SAMMSON: variants seen among roughly 807,000 people sequenced by gnomAD.
SAMMSON encodes survival associated mitochondrial melanoma specific oncogenic non-coding RNA.
At chr3:70,087,112 A>G (rs1253967938) in intron 4 of SAMMSON, among the ~76,000 whole-genome samples, 1 of 152,138 alleles carries the variant, frequency 6.6e-6, no homozygotes, top group Non-Finnish European at 1.5e-5. Context: ...GAGGACACTG[A>G]GGATTCACTA....
intron 6 of SAMMSON, among the ~76,000 whole-genome samples, chr3:70,290,507 CT>C (rs1431298930): frequency 6.6e-5 from 10 of 152,218 alleles, no homozygotes; most frequent in Non-Finnish European, 8.8e-5. Context: ...TTATGGCTGT[CT>C]TTTTGTTTGT....
chr3:70,224,737 A>G (rs946207753), intron 4 of SAMMSON, among the ~76,000 whole-genome samples: 16 of 152,028 alleles, frequency 1.1e-4, no homozygotes, highest in Admixed American at 2.0e-4. Flanking sequence ...TAATTCATTT[A>G]ACCATTGCGC....
At chr3:70,151,162 A>G (rs919823211) in intron 4 of SAMMSON, among the ~76,000 whole-genome samples, 1 of 152,068 alleles carries the variant, frequency 6.6e-6, no homozygotes, top group Non-Finnish European at 1.5e-5. Flanking sequence ...AAACTGAGGT[A>G]ATGAAAAACT....
At chr3:70,284,084 G>A (rs555929244) in intron 6 of SAMMSON, among the ~76,000 whole-genome samples, 5 of 152,136 alleles carry the variant, frequency 3.3e-5, no homozygotes, top group Non-Finnish European at 7.4e-5. Flanking sequence ...ACCTCAGTTG[G>A]ACTGGTTTTC....
At chr3:70,162,228 G>A (rs1397441395) in intron 4 of SAMMSON, among the ~76,000 whole-genome samples, 1 of 151,736 alleles carries the variant, frequency 6.6e-6, no homozygotes, top group Non-Finnish European at 1.5e-5. Context: ...TGTAAGATTA[G>A]TAAATTGCTT....
At chr3:70,417,267 T>C (rs1701271351) in intron 2 of SAMMSON, among the ~76,000 whole-genome samples, 1 of 152,186 alleles carries the variant, frequency 6.6e-6, no homozygotes, top group African/African-American at 2.4e-5. Context: ...TCAGGTAAAA[T>C]TGACTTAGGT....
intron 4 of SAMMSON, among the ~76,000 whole-genome samples, chr3:70,122,765 G>A (rs1285713346): frequency 6.6e-6 from 1 of 152,124 alleles, no homozygotes; most frequent in Non-Finnish European, 1.5e-5. Flanking sequence ...CTCAAAATAG[G>A]ATTGTTTTGC....
At chr3:70,361,577 C>T (rs191866824) in intron 9 of SAMMSON, among the ~76,000 whole-genome samples, 403 of 152,264 alleles carry the variant, frequency 2.6e-3, no homozygotes, top group Non-Finnish European at 4.5e-3. Flanking sequence ...TCCATATTTA[C>T]GAGACATATG....
At chr3:70,203,816 T>A (rs1186039435) in intron 4 of SAMMSON, among the ~76,000 whole-genome samples, 1 of 152,298 alleles carries the variant, frequency 6.6e-6, no homozygotes, top group South Asian at 2.1e-4. Flanking sequence ...TTAAGGGGAC[T>A]GTTTTCTAAT....
At chr3:70,072,257 C>T (rs2067232744) in intron 4 of SAMMSON, 1 of 151,882 alleles carries the variant, frequency 6.6e-6, no homozygotes, top group Non-Finnish European at 1.5e-5. Context: ...TTAGTGAAGT[C>T]TAAGGTATTC....
chr3:70,101,551 T>G (rs575189071), intron 4 of SAMMSON, among the ~76,000 whole-genome samples: 1 of 152,298 alleles, frequency 6.6e-6, no homozygotes, highest in South Asian at 2.1e-4. Context: ...TAAATATGTC[T>G]TTTAATTTTT....
chr3:70,418,985 C>G (rs1360310059), intron 2 of SAMMSON, among the ~76,000 whole-genome samples: 3 of 120,586 alleles, frequency 2.5e-5, no homozygotes, highest in Admixed American at 9.4e-5. Context: ...TTCCTTCTCT[C>G]TCTCTCTCTC....
intron 9 of SAMMSON, among the ~76,000 whole-genome samples, chr3:70,385,146 G>A (rs1703110128): frequency 6.6e-6 from 1 of 152,010 alleles, no homozygotes; most frequent in African/African-American, 2.4e-5. Flanking sequence ...AAAAAGCACG[G>A]TGTTGTAGTT....
chr3:70,173,691 A>T (rs1388376547), intron 4 of SAMMSON, among the ~76,000 whole-genome samples: 1 of 151,928 alleles, frequency 6.6e-6, no homozygotes, highest in African/African-American at 2.4e-5. Context: ...AATGACAAAA[A>T]TAAGTACTTT....
intron 3 of SAMMSON, among the ~76,000 whole-genome samples, chr3:70,042,252 T>C (rs1405356450): frequency 6.6e-6 from 1 of 152,062 alleles, no homozygotes; most frequent in South Asian, 2.1e-4. Context: ...AAGCCTGTGT[T>C]ATTTAAATTT....
intron 4 of SAMMSON, chr3:70,125,119 A>T (rs946791396): frequency 3.7e-5 from 53 of 1,424,080 alleles, no homozygotes; most frequent in Non-Finnish European, 4.9e-5. Context: ...CAGATCGAGC[A>T]AATTGAACCA....
chr3:70,091,289 C>T (rs1409165626), intron 4 of SAMMSON, among the ~76,000 whole-genome samples: 2 of 152,094 alleles, frequency 1.3e-5, no homozygotes, highest in Admixed American at 6.5e-5. Flanking sequence ...AGGCATGGGT[C>T]GCAGCCGCCT....
chr3:70,083,843 T>A (rs1159660130), intron 4 of SAMMSON, among the ~76,000 whole-genome samples: 2 of 152,112 alleles, frequency 1.3e-5, no homozygotes, highest in Admixed American at 1.3e-4. Context: ...GTATATATAT[T>A]TTTGCATGAT....
chr3:70,010,347 G>A (rs927306081), intron 1 of SAMMSON, among the ~76,000 whole-genome samples: 1 of 152,032 alleles, frequency 6.6e-6, no homozygotes, highest in Non-Finnish European at 1.5e-5. Flanking sequence ...TATATGTTTA[G>A]GATAGTTAGC....
Sources: gnomAD v4.1 joint callset for allele counts (sites outside exome capture counted in the v4.1 genomes callset) on GRCh38, gnomAD v4.1.1 for gene constraint, MANE v1.5 for transcripts, NCBI Gene and HGNC (gene_info 2026-07-23, HGNC 2026-07-21) for gene names.